NUBPL: variants seen among roughly 807,000 people sequenced by gnomAD.
NUBPL encodes NUBP iron-sulfur cluster assembly factor, mitochondrial.
In NUBPL, 31 loss-of-function variants were observed where a neutral mutation model predicts 45.7. The ratio of observed to expected loss-of-function variants is 0.68; its 90% CI spans 0.51 to 0.92. NUBPL has a LOEUF of 0.92. NUBPL is among the 40% of genes least tolerant of loss of function. The pLI is 0.00. For missense variants in NUBPL, 401 were observed against 398.7 expected, an observed-to-expected ratio of 1.01 and a Z score of -0.05; for synonymous variants, 144 against 140.9, an observed-to-expected ratio of 1.02 and a Z score of -0.15.
chr14:31,701,793 GCGGCTTCAT>G lies in NUBPL; in HGVS notation c.513+28220_513+28228del, dbSNP rs544013927. Among the ~76,000 whole-genome samples, 426 of 152,312 alleles carry G rather than the reference GCGGCTTCAT, an allele frequency of 2.8e-3. 1 individual carries two copies. Among genetic ancestry groups the G allele is most frequent in the Admixed American group, 7.5e-3 (115 of 15,304 alleles). On this transcript the variant is annotated intron_variant, in intron 6 of 10. Coordinates refer to ENST00000281081, the MANE Select transcript of NUBPL (RefSeq NM_025152.3). ...ACTTTAACACTCACTGCGAGGGTCC[GCGGCTTCAT>G]TCTTGAAGTCAGTGAGACCGAGAAC...
At position 31,805,885 on chromosome 14, in the gene NUBPL, A is replaced by G. The variant is rs1250771612; in HGVS notation, c.607+18012A>G. 2.0e-5 allele frequency among the ~76,000 whole-genome samples: 3 copies of G among 152,054 alleles called. No individual in the cohort carries two copies. In the East Asian group the frequency reaches 5.8e-4, roughly 29 times the overall value. On this transcript the variant is annotated intron_variant, in intron 7 of 10. Coordinates refer to ENST00000281081, the MANE Select transcript of NUBPL (RefSeq NM_025152.3). The stretch of plus-strand genomic sequence containing the variant: ...AGGTTTACCTATATAACAAAACTTC[A>G]CATGTAACCCCGAACCTAAAATAAA...
chr14:31,715,209 G>A (rs879183446), intron 6 of NUBPL, among the ~76,000 whole-genome samples: 3 of 152,040 alleles, frequency 2.0e-5, no homozygotes, highest in African/African-American at 7.2e-5. Flanking sequence ...TTCTCTTGTG[G>A]CGTCTACCTT....
intron 7 of NUBPL, among the ~76,000 whole-genome samples, chr14:31,815,014 A>C (rs572060886): frequency 3.3e-5 from 5 of 152,198 alleles, no homozygotes; most frequent in African/African-American, 1.2e-4. Flanking sequence ...TGTCTTGGCT[A>C]TATGGGCTCT....
chr14:31,620,900 G>C (rs1052153737), intron 4 of NUBPL, among the ~76,000 whole-genome samples: 4 of 152,170 alleles, frequency 2.6e-5, no homozygotes, highest in African/African-American at 9.7e-5. Context: ...CTTCCCCCAG[G>C]GGCTCTGTCC....
At chr14:31,640,851 A>T (rs961643513) in intron 4 of NUBPL, among the ~76,000 whole-genome samples, 3 of 152,204 alleles carry the variant, frequency 2.0e-5, no homozygotes, top group Non-Finnish European at 4.4e-5. Context: ...TAATAAGAAC[A>T]TTAGAATTAT....
intron 6 of NUBPL, among the ~76,000 whole-genome samples, chr14:31,715,210 C>T (rs914457840): frequency 1.4e-4 from 22 of 152,318 alleles, no homozygotes; most frequent in African/African-American, 4.8e-4. Context: ...TCTCTTGTGG[C>T]GTCTACCTTT....
chr14:31,575,917 TG>T (rs2139477655), intron 3 of NUBPL, among the ~76,000 whole-genome samples: 1 of 152,362 alleles, frequency 6.6e-6, no homozygotes, highest in African/African-American at 2.4e-5. Context: ...CATTATTTTT[TG>T]CTTTTTGCTT....
rs563250114 is a variant in NUBPL, at chr14:31,712,225, A to G, written c.513+38651A>G. Among the ~76,000 whole-genome samples, 17 of 152,324 alleles carry G rather than the reference A, an allele frequency of 1.1e-4. No homozygotes were observed. The South Asian group carries it at 3.3e-3, about 30-fold the overall frequency. ...TTGGTGCATTTACAAACTTTTAGCT[A>G]GACACAGAGCGCTGATTGGTGCATT... On this transcript the variant is annotated intron_variant, in intron 6 of 10. Transcript: ENST00000281081.
At chr14:31,666,623 G>T (rs1000496603) in intron 4 of NUBPL, among the ~76,000 whole-genome samples, 1 of 152,110 alleles carries the variant, frequency 6.6e-6, no homozygotes, top group Non-Finnish European at 1.5e-5. Flanking sequence ...TTTCACATTA[G>T]TTGATGCGGT....
At chr14:31,673,334 G>C in intron 4 of NUBPL, 21 bp from the exon 5 acceptor site, 1 of 1,535,360 alleles carries the variant, frequency 6.5e-7, no homozygotes, top group South Asian at 1.2e-5. Context: ...TTCTAAAAGA[G>C]AGGATTTTTT....
chr14:31,853,828 G>A (rs1403394214), intron 10 of NUBPL, among the ~76,000 whole-genome samples: 4 of 152,094 alleles, frequency 2.6e-5, no homozygotes, highest in African/African-American at 9.7e-5. Context: ...GTGAGAAGGC[G>A]ATATTTAGAA....
intron 3 of NUBPL, among the ~76,000 whole-genome samples, chr14:31,594,077 A>G (rs2034220384): frequency 6.6e-6 from 1 of 152,162 alleles, no homozygotes. Flanking sequence ...GAAGACTAAG[A>G]TGATCTCTTA....
intron 4 of NUBPL, among the ~76,000 whole-genome samples, chr14:31,635,708 C>G (rs1424080312): frequency 7.4e-6 from 1 of 134,868 alleles, no homozygotes; most frequent in East Asian, 2.4e-4. Context: ...GATATTGATT[C>G]TTCCTACCCA....
intron 3 of NUBPL, among the ~76,000 whole-genome samples, chr14:31,568,098 G>A (rs1032856941): frequency 1.3e-5 from 2 of 152,174 alleles, no homozygotes; most frequent in Non-Finnish European, 2.9e-5. Context: ...ATAAGAGCCA[G>A]TAATATGGTT....
At chr14:31,777,387 A>T (rs1021402815) in intron 6 of NUBPL, among the ~76,000 whole-genome samples, 1 of 152,182 alleles carries the variant, frequency 6.6e-6, no homozygotes, top group Non-Finnish European at 1.5e-5. Flanking sequence ...TATGAGAGGC[A>T]CTCAAATGTG....
chr14:31,631,815 A>G (rs547598210), intron 4 of NUBPL, among the ~76,000 whole-genome samples: 3 of 152,042 alleles, frequency 2.0e-5, no homozygotes, highest in Non-Finnish European at 4.4e-5. Flanking sequence ...GCCCACCCAC[A>G]TGAAGGCGGG....
chr14:31,705,653 C>A, intron 6 of NUBPL, among the ~76,000 whole-genome samples: 1 of 152,208 alleles, frequency 6.6e-6, no homozygotes, highest in South Asian at 2.1e-4. Flanking sequence ...ACACAGAGTG[C>A]TGATTGGTGC....
chr14:31,817,174 G>GTA (rs375807949), intron 7 of NUBPL, among the ~76,000 whole-genome samples: 2,032 of 152,188 alleles, frequency 0.013, 41 homozygotes, highest in African/African-American at 0.047. Context: ...AGAAACATGT[G>GTA]AAAAGACCAA....
intron 4 of NUBPL, among the ~76,000 whole-genome samples, chr14:31,653,054 A>G (rs1258282574): frequency 6.6e-6 from 1 of 152,176 alleles, no homozygotes; most frequent in Admixed American, 6.5e-5. Context: ...TACGAACGGG[A>G]AGTGGGTCAC....
Sources: allele counts gnomAD v4.1 joint callset (sites outside exome capture counted in the v4.1 genomes callset), GRCh38; gene constraint gnomAD v4.1.1; transcripts MANE v1.5; gene names NCBI Gene and HGNC (gene_info 2026-07-23, HGNC 2026-07-21).